ST6GALNAC6: variants seen among roughly 807,000 people sequenced by gnomAD.
The protein encoded by ST6GALNAC6 is ST6 N-acetylgalactosaminide alpha-2,6-sialyltransferase 6, also known as alpha-N-acetylgalactosaminide alpha-2,6-sialyltransferase 6.
Under a neutral mutation model 34.3 loss-of-function variants are expected in ST6GALNAC6, and 19 were observed. That is an observed-to-expected ratio of 0.55 (90% CI 0.39 to 0.81). The LOEUF (loss-of-function observed/expected upper bound fraction) is 0.81, where lower values mean the gene tolerates loss of function less well. ST6GALNAC6 is among the 40% of genes least tolerant of loss of function. The pLI, the probability that ST6GALNAC6 is intolerant of heterozygous loss-of-function variation, is 0.00. For synonymous variants in ST6GALNAC6, 185 were observed against 182.1 expected (o/e 1.02, Z -0.13); for missense variants, 377 against 467.7 (o/e 0.81, Z 1.79).
At chr9:127,886,962 ATT>A (rs35918357) in intron 6 of ST6GALNAC6, among the ~76,000 whole-genome samples, 174 bp from the exon 7 acceptor site, 1 of 145,280 alleles carries the variant, frequency 6.9e-6, no homozygotes. Flanking sequence ...GTAACCACCA[ATT>A]TTTTTTTTTT....
intron 3 of ST6GALNAC6, 39 bp from the exon 4 acceptor site, chr9:127,894,730 G>A (rs1382218379): frequency 6.7e-7 from 1 of 1,484,506 alleles, no homozygotes; most frequent in Admixed American, 2.1e-5. Flanking sequence ...CAGCTGCCGG[G>A]CAGGCTCAGC....
At position 127,886,690 on chromosome 9, in the gene ST6GALNAC6, C is replaced by T. The variant is rs1339606324; in HGVS notation, c.911G>A (p.Gly304Asp). 1 of 1,614,056 alleles carries T rather than the reference C, an allele frequency of 6.2e-7. No individual in the cohort carries two copies. Among genetic ancestry groups the T allele is most frequent in the Non-Finnish European group, 8.5e-7 (1 of 1,179,998 alleles). Residue 304 changes from glycine to aspartate, a missense_variant, in exon 7 of 7, where the codon GGC becomes GAC. Coordinates refer to ENST00000373146, the MANE Select transcript of ST6GALNAC6 (RefSeq NM_013443.5). ...TYIQNEHSRK[G>D]NHHRFITEKR... ...CTCGGTGATGAAGCGGTGGTGGTTG[C>T]CCTTGCGACTGTGCTCATTCTGGAT... is the stretch of plus-strand genomic sequence containing the variant.
chr9:127,889,767 T>A (rs369735676), intron 5 of ST6GALNAC6, among the ~76,000 whole-genome samples: 38 of 152,284 alleles, frequency 2.5e-4, no homozygotes, highest in African/African-American at 8.9e-4. Context: ...CTATATGCCA[T>A]TTCTATATAT....
chr9:127,894,387 G>A, intron 4 of ST6GALNAC6, 125 bp downstream of exon 4: 2 of 1,230,584 alleles, frequency 1.6e-6, no homozygotes, highest in East Asian at 2.4e-5. Flanking sequence ...ACAGCAAGCA[G>A]CAAGATGAAA....
At position 127,886,376 on chromosome 9, in the gene ST6GALNAC6, A is replaced by G. The variant is rs1261320365; in HGVS notation, c.*223T>C. ...TTGACTGTGCGCAGACCCTGACTGC[A>G]CAAGAAAGACACCCCTGATTAACCG... On this transcript the variant is annotated 3_prime_UTR_variant, in exon 7 of 7. Transcript: ENST00000373146. 3.7e-6 allele frequency: 5 copies of G among 1,354,322 alleles called. No homozygotes were observed. Among genetic ancestry groups the G allele is most frequent in the Non-Finnish European group, 4.9e-6 (5 of 1,025,568 alleles). 83.9% of individuals were successfully genotyped at this position (1,354,322 alleles called of 1,614,324 possible). A position where few individuals can be genotyped will look rare whatever the true frequency, so the allele number is the denominator to read the frequency against.
chr9:127,905,969 G>A (rs921584754), upstream of ST6GALNAC6: 5 of 985,442 alleles, frequency 5.1e-6, no homozygotes, highest in Non-Finnish European at 6.0e-6. Flanking sequence ...TCCTCGCTCC[G>A]TGCTGTGGCT....
intron 2 of ST6GALNAC6, chr9:127,897,431 G>A: frequency 2.0e-6 from 2 of 986,992 alleles, no homozygotes; most frequent in Non-Finnish European, 2.4e-6. Context: ...GCCAGAGGAG[G>A]CTTGGCACAC....
At chr9:127,902,565 CATTATTATT>C (rs61633477), upstream of ST6GALNAC6, among the ~76,000 whole-genome samples, 8,987 of 147,002 alleles carry the variant, frequency 0.061, 309 homozygotes, top group Middle Eastern at 0.11. Flanking sequence ...ATAATGGTCA[CATTATTATT>C]ATTATTATTA....
At chr9:127,893,667 C>T (rs1309045657) in intron 4 of ST6GALNAC6, among the ~76,000 whole-genome samples, 1 of 152,226 alleles carries the variant, frequency 6.6e-6, no homozygotes, top group Non-Finnish European at 1.5e-5. Context: ...CTCCTTTCCA[C>T]ATCACCCACA....
At chr9:127,905,039 AGGCTTCCCC>A (rs1348784584) in intron 1 of ST6GALNAC6, 3 of 216,630 alleles carry the variant, frequency 1.4e-5, no homozygotes, top group Admixed American at 6.5e-5. Context: ...CTGGGCTGTG[AGGCTTCCCC>A]GGCTTCCCCT....
chr9:127,886,404 T>A lies in ST6GALNAC6; in HGVS notation c.*195A>T. 7.0e-7 allele frequency: 1 copy of A among 1,432,122 alleles called. No homozygotes were observed. Among genetic ancestry groups the A allele is most frequent in the Non-Finnish European group, 9.1e-7 (1 of 1,094,298 alleles). 88.7% of individuals were successfully genotyped at this position (1,432,122 alleles called of 1,614,324 possible). On this transcript the variant is annotated 3_prime_UTR_variant, in exon 7 of 7. Coordinates refer to ENST00000373146, the MANE Select transcript of ST6GALNAC6 (RefSeq NM_013443.5). ...AGAAAGACACCCCTGATTAACCGCA[T>A]AGACTCCCAAATCCCTGATTCGCCA...
At chr9:127,887,740 G>A (rs1343637708) in intron 5 of ST6GALNAC6, 149 bp from the exon 6 acceptor site, 15 of 649,450 alleles carry the variant, frequency 2.3e-5, no homozygotes, top group East Asian at 8.3e-5. Flanking sequence ...GTCCAGCCTC[G>A]CTGATGGGAG....
intron 6 of ST6GALNAC6, 99 bp from the exon 7 acceptor site, chr9:127,886,887 ATCCCCATGCCTCCTGGGGCCTCGGTT>A: frequency 1.6e-6 from 2 of 1,256,046 alleles, no homozygotes; most frequent in Non-Finnish European, 2.1e-6. Context: ...AATAGGAGAA[ATCCCCATGCCTCCTGGGGCCTCGGTT>A]TCCCCATCCA....
intron 5 of ST6GALNAC6, 103 bp from the exon 6 acceptor site, chr9:127,887,694 C>A (rs1275294629): frequency 3.4e-6 from 3 of 888,094 alleles, no homozygotes; most frequent in Admixed American, 2.1e-5. Flanking sequence ...CTCCCATCCA[C>A]TCATCAGGGC....
chr9:127,895,369 G>T (rs983556303), intron 3 of ST6GALNAC6, among the ~76,000 whole-genome samples: 1 of 152,186 alleles, frequency 6.6e-6, no homozygotes, highest in African/African-American at 2.4e-5. Flanking sequence ...AGCAAGTCAG[G>T]CTTATTGCTT....
At chr9:127,898,566 C>A (rs578224856) in intron 1 of ST6GALNAC6, among the ~76,000 whole-genome samples, 1 of 152,226 alleles carries the variant, frequency 6.6e-6, no homozygotes, top group African/African-American at 2.4e-5. Flanking sequence ...GCGACTTTCC[C>A]GGAATATCAA....
At chr9:127,896,414 C>T (rs1830458639) in intron 2 of ST6GALNAC6, 82 bp from the exon 3 acceptor site, 9 of 1,180,586 alleles carry the variant, frequency 7.6e-6, no homozygotes, top group Non-Finnish European at 1.1e-5. Flanking sequence ...CTGCCCCGCA[C>T]TAGTTCTTCT....
chr9:127,890,444 T>A lies in ST6GALNAC6; in HGVS notation c.704+193A>T, dbSNP rs1371991430. 6.6e-6 allele frequency among the ~76,000 whole-genome samples: 1 copy of A among 152,148 alleles called. No individual in the cohort carries two copies. Among genetic ancestry groups the A allele is most frequent in the African/African-American group, 2.4e-5 (1 of 41,476 alleles). On this transcript the variant is annotated intron_variant, in intron 5 of 6. Coordinates refer to ENST00000373146, the MANE Select transcript of ST6GALNAC6 (RefSeq NM_013443.5). The surrounding 1 kb of genome is among the most constrained non-coding windows in gnomAD (Gnocchi z 4.3). ...AAGCCCTCTTGGACAAACCAGGCCA[T>A]GCAGAGCATGCTGGAAAGGACCCAT...
intron 5 of ST6GALNAC6, among the ~76,000 whole-genome samples, chr9:127,888,642 A>G (rs997029726): frequency 6.6e-6 from 1 of 150,772 alleles, no homozygotes; most frequent in African/African-American, 2.4e-5. Flanking sequence ...CCCCCTCTCT[A>G]CTAAAAATAC....
Sources: allele counts gnomAD v4.1 joint callset (sites outside exome capture counted in the v4.1 genomes callset), GRCh38; gene constraint gnomAD v4.1.1; non-coding constraint Gnocchi (gnomAD v3.1); transcripts MANE v1.5; gene names NCBI Gene and HGNC (gene_info 2026-07-23, HGNC 2026-07-21).